ZCWPW1: variants seen among roughly 807,000 people sequenced by gnomAD.
ZCWPW1 encodes zinc finger CW-type PWWP domain protein 1.
In ZCWPW1, 56 loss-of-function variants were observed where a neutral mutation model predicts 81.3. That is an observed-to-expected ratio of 0.69 (90% CI 0.56 to 0.86). The LOEUF is 0.86. ZCWPW1 is among the 40% of genes least tolerant of loss of function. The pLI, the probability that ZCWPW1 is intolerant of heterozygous loss-of-function variation, is 0.00. For synonymous variants in ZCWPW1, 250 were observed against 273.7 expected, an observed-to-expected ratio of 0.91 and a Z score of 0.86; for missense variants, 650 against 769.8, an observed-to-expected ratio of 0.84 and a Z score of 1.84.
chr7:100,423,524 T>C (rs977116464), intron 2 of ZCWPW1, among the ~76,000 whole-genome samples: 7 of 152,206 alleles, frequency 4.6e-5, no homozygotes, highest in African/African-American at 1.7e-4. Context: ...CATGGCTAAA[T>C]GTGAATACCC....
intron 13 of ZCWPW1, 105 bp downstream of exon 13, chr7:100,404,908 A>C (rs1252047155): frequency 1.8e-6 from 2 of 1,088,758 alleles, no homozygotes; most frequent in Non-Finnish European, 2.6e-6. Flanking sequence ...TGAAATATAG[A>C]GGTAGGATGG....
At chr7:100,420,528 A>G (rs1328116856) in intron 3 of ZCWPW1, 94 bp downstream of exon 3, 3 of 1,480,386 alleles carry the variant, frequency 2.0e-6, no homozygotes, top group African/African-American at 1.4e-5. Flanking sequence ...GGCACAGAAT[A>G]TAGGGACCCG....
intron 2 of ZCWPW1, 70 bp downstream of exon 2, chr7:100,424,960 G>A (rs1166896972): frequency 6.6e-6 from 1 of 152,168 alleles, no homozygotes; most frequent in Non-Finnish European, 1.5e-5. Context: ...TATAAACAGT[G>A]ATGTATAGTA....
At chr7:100,414,982 G>T (rs969717085) in intron 8 of ZCWPW1, among the ~76,000 whole-genome samples, 58 of 148,390 alleles carry the variant, frequency 3.9e-4, no homozygotes, top group African/African-American at 1.4e-3. Flanking sequence ...TGGAGATCGC[G>T]CCACCGCACT....
intron 8 of ZCWPW1, 93 bp from the exon 9 acceptor site, chr7:100,409,637 A>T: frequency 1.2e-6 from 1 of 868,100 alleles, no homozygotes; most frequent in Non-Finnish European, 1.8e-6. Flanking sequence ...CAACTCCCAG[A>T]ATGACATAGC....
chr7:100,416,566 G>T, intron 6 of ZCWPW1, 110 bp from the exon 7 acceptor site: 1 of 1,147,018 alleles, frequency 8.7e-7, no homozygotes, highest in Non-Finnish European at 1.2e-6. Context: ...AGCTCTCTAA[G>T]ACCTCCTGAG....
At chr7:100,405,540 C>G (rs373976187) in intron 12 of ZCWPW1, among the ~76,000 whole-genome samples, 27 of 152,298 alleles carry the variant, frequency 1.8e-4, no homozygotes, top group African/African-American at 6.0e-4. Context: ...ATTTCCAGTT[C>G]CTAGTATTGA....
intron 8 of ZCWPW1, among the ~76,000 whole-genome samples, chr7:100,411,419 AC>A (rs1794138618): frequency 6.6e-6 from 1 of 152,074 alleles, no homozygotes; most frequent in South Asian, 2.1e-4. Flanking sequence ...GGCATGCACC[AC>A]CACACCCAGA....
rs538516502 is a variant in ZCWPW1 at position 100,408,624 on chromosome 7, T to G, written c.907A>C (p.Thr303Pro). 6 of 1,613,762 alleles carry G rather than the reference T, an allele frequency of 3.7e-6. 1 individual carries two copies. Among genetic ancestry groups the G allele is most frequent in the Non-Finnish European group, 5.1e-6 (6 of 1,179,930 alleles). Reference protein sequence around the residue: ...QYNRCDIPEETWTGLESDVAY... With the variant: ...QYNRCDIPEEPWTGLESDVAY... ...ACATCACTCTCAAGCCCTGTCCAGG[T>G]CTCCTCAGGAATATCACAGCGATTA... is the stretch of plus-strand genomic sequence containing the variant. Residue 303 changes from threonine (T) to proline (P), a missense_variant, in exon 10 of 18, where the codon ACC becomes CCC. Thr to Pro is a conservative substitution (Grantham distance 38). Transcript: ENST00000684423.
intron 11 of ZCWPW1, 72 bp from the exon 12 acceptor site, chr7:100,406,870 C>T (rs1793117355): frequency 1.3e-5 from 18 of 1,389,896 alleles, no homozygotes; most frequent in Admixed American, 5.6e-5. Context: ...CAGAACAGAT[C>T]GGGAGAATGG....
chr7:100,412,369 T>C (rs1584261315), intron 8 of ZCWPW1, among the ~76,000 whole-genome samples: 2 of 152,150 alleles, frequency 1.3e-5, no homozygotes, highest in Non-Finnish European at 2.9e-5. Flanking sequence ...CTTCATCTTA[T>C]ATTACAAATT....
intron 8 of ZCWPW1, among the ~76,000 whole-genome samples, 177 bp downstream of exon 8, chr7:100,415,798 T>C (rs1584269443): frequency 6.6e-6 from 1 of 152,202 alleles, no homozygotes; most frequent in Non-Finnish European, 1.5e-5. Flanking sequence ...AACTATGGAT[T>C]ATGTGAATAA....
chr7:100,419,993 C>G (rs1039952310), intron 3 of ZCWPW1, 110 bp from the exon 4 acceptor site: 1 of 906,714 alleles, frequency 1.1e-6, no homozygotes, highest in Non-Finnish European at 1.6e-6. Context: ...GAGCTTTTAA[C>G]AAATTCAGAT....
intron 2 of ZCWPW1, among the ~76,000 whole-genome samples, chr7:100,421,960 G>T (rs922584318): frequency 1.3e-5 from 2 of 152,104 alleles, no homozygotes; most frequent in African/African-American, 4.8e-5. Context: ...CCAAAGTGCT[G>T]GGATTACAGA....
At chr7:100,419,953 T>G in intron 3 of ZCWPW1, 70 bp from the exon 4 acceptor site, 1 of 1,267,342 alleles carries the variant, frequency 7.9e-7, no homozygotes, top group Non-Finnish European at 1.1e-6. Context: ...ACATTACCCT[T>G]TGACTAGCCA....
intron 8 of ZCWPW1, 89 bp downstream of exon 8, chr7:100,415,886 G>C: frequency 6.5e-7 from 1 of 1,528,410 alleles, no homozygotes. Context: ...TATATTCTTT[G>C]CAGAGGTTCC....
intron 2 of ZCWPW1, among the ~76,000 whole-genome samples, chr7:100,423,091 T>G (rs1265857666): frequency 6.6e-6 from 1 of 152,174 alleles, no homozygotes. Context: ...GGAAGACCTT[T>G]AGGGATAATA....
chr7:100,416,111 A>G lies in ZCWPW1; in HGVS notation c.632-14T>C. Reference sequence around the variant, plus strand: ...CCTTCTCATCTTCTGGGAAGAAAAAAGAAAACGTGAGGTGGGGAGATGAAG... The same window carrying G: ...CCTTCTCATCTTCTGGGAAGAAAAAGGAAAACGTGAGGTGGGGAGATGAAG... On this transcript the variant is annotated splice_polypyrimidine_tract_variant and intron_variant, in intron 7 of 17. Coordinates refer to ENST00000684423, the MANE Select transcript of ZCWPW1 (RefSeq NM_001386010.1). 1.2e-6 allele frequency: 2 copies of G among 1,613,134 alleles called. No homozygotes were observed. The highest frequency in any genetic ancestry group is 1.7e-6 in the Non-Finnish European group (2 of 1,180,012).
At chr7:100,424,268 T>C (rs548235222) in intron 2 of ZCWPW1, among the ~76,000 whole-genome samples, 8 of 152,164 alleles carry the variant, frequency 5.3e-5, no homozygotes, top group African/African-American at 1.9e-4. Context: ...CAACATTTAG[T>C]TTTTAAAAAC....
Sources: allele counts gnomAD v4.1 joint callset (sites outside exome capture counted in the v4.1 genomes callset), GRCh38; gene constraint gnomAD v4.1.1; transcripts MANE v1.5; gene names NCBI Gene and HGNC (gene_info 2026-07-23, HGNC 2026-07-21).